Variants in GABBR2 observed in about 807,000 individuals in gnomAD.
GABBR2 encodes gamma-aminobutyric acid type B receptor subunit 2, also known as G-protein coupled receptor 51.
Under a neutral mutation model 105.6 loss-of-function variants are expected in GABBR2, and 23 were observed. The observed-to-expected ratio is 0.22, with a 90% CI of 0.16 to 0.31. The LOEUF (loss-of-function observed/expected upper bound fraction) is 0.31, where lower values mean the gene tolerates loss of function less well. Ranked by LOEUF, GABBR2 falls within the 10% of genes least tolerant of loss-of-function variation. The pLI is 1.00. For missense variants in GABBR2, 734 were observed against 1,245.5 expected, an observed-to-expected ratio of 0.59 and a Z score of 6.18; for synonymous variants, 478 against 499.7, an observed-to-expected ratio of 0.96 and a Z score of 0.58.
At chr9:98,428,069 C>T (rs1055029062) in intron 7 of GABBR2, among the ~76,000 whole-genome samples, 2 of 152,352 alleles carry the variant, frequency 1.3e-5, no homozygotes, top group African/African-American at 2.4e-5. Context: ...TAAGCCACTA[C>T]ACTTTGGGAT....
intron 2 of GABBR2, among the ~76,000 whole-genome samples, 199 bp from the exon 3 acceptor site, chr9:98,542,242 A>G (rs1405893793): frequency 2.0e-5 from 3 of 152,196 alleles, no homozygotes; most frequent in Non-Finnish European, 4.4e-5. Context: ...ATAAGGAGGA[A>G]GAAGGGAAAA....
chr9:98,584,119 C>T (rs992754807), intron 1 of GABBR2, among the ~76,000 whole-genome samples: 3 of 152,292 alleles, frequency 2.0e-5, no homozygotes, highest in African/African-American at 4.8e-5. Flanking sequence ...CTTTATCATG[C>T]TCTCCTTTCC....
At chr9:98,495,454 TCTGATGACACTGGCAC>T (rs1827258315) in intron 4 of GABBR2, among the ~76,000 whole-genome samples, 1 of 152,100 alleles carries the variant, frequency 6.6e-6, no homozygotes, top group Non-Finnish European at 1.5e-5. Context: ...ATTTGATAGC[TCTGATGACACTGGCAC>T]CTGCTTACAA....
chr9:98,464,885 A>G (rs1177952834), intron 6 of GABBR2, among the ~76,000 whole-genome samples: 1 of 152,072 alleles, frequency 6.6e-6, no homozygotes, highest in Non-Finnish European at 1.5e-5. Flanking sequence ...AGGGCGGTGC[A>G]AGATGTGCTT....
At chr9:98,301,114 C>T (rs1236730950) in intron 16 of GABBR2, among the ~76,000 whole-genome samples, 1 of 152,146 alleles carries the variant, frequency 6.6e-6, no homozygotes, top group African/African-American at 2.4e-5. Context: ...TCCCTGGGTT[C>T]CGTGAGCCCC....
At chr9:98,343,011 T>A (rs1459255390) in intron 13 of GABBR2, among the ~76,000 whole-genome samples, 1 of 152,204 alleles carries the variant, frequency 6.6e-6, no homozygotes, top group African/African-American at 2.4e-5. Flanking sequence ...AAACTCTATG[T>A]GTTTGCCTCT....
intron 1 of GABBR2, among the ~76,000 whole-genome samples, chr9:98,671,976 T>G (rs1035572697): frequency 6.6e-6 from 1 of 152,158 alleles, no homozygotes; most frequent in South Asian, 2.1e-4. Context: ...GAAGGAGGTA[T>G]CAAAGGTTTC....
At chr9:98,359,264 C>T (rs779123841) in intron 13 of GABBR2, among the ~76,000 whole-genome samples, 1 of 151,914 alleles carries the variant, frequency 6.6e-6, no homozygotes, top group East Asian at 1.9e-4. Flanking sequence ...CCTATCTCTA[C>T]TAAGAATACA....
chr9:98,660,688 T>C (rs1409041686), intron 1 of GABBR2, among the ~76,000 whole-genome samples: 1 of 152,218 alleles, frequency 6.6e-6, no homozygotes, highest in Admixed American at 6.5e-5. Context: ...GCGGGGCTGG[T>C]TCCTTCTGGA....
intron 3 of GABBR2, among the ~76,000 whole-genome samples, chr9:98,504,961 C>T (rs191819385): frequency 6.6e-6 from 1 of 152,186 alleles, no homozygotes; most frequent in Non-Finnish European, 1.5e-5. Flanking sequence ...TAGACCAAAG[C>T]CGACTTCAAA....
At chr9:98,300,528 G>A (rs1293348787) in intron 16 of GABBR2, among the ~76,000 whole-genome samples, 4 of 152,206 alleles carry the variant, frequency 2.6e-5, no homozygotes, top group Non-Finnish European at 4.4e-5. Flanking sequence ...AGTGTTGGTA[G>A]TTGTTGGGGG....
At chr9:98,314,815 A>G (rs947825509) in intron 13 of GABBR2, among the ~76,000 whole-genome samples, 3 of 152,122 alleles carry the variant, frequency 2.0e-5, no homozygotes, top group Non-Finnish European at 4.4e-5. Context: ...TTGTCAGTCA[A>G]CCTGCTGGAG....
At chr9:98,578,123 C>T (rs1370013264) in intron 1 of GABBR2, 51 bp from the exon 2 acceptor site, 1 of 1,601,524 alleles carries the variant, frequency 6.2e-7, no homozygotes, top group African/African-American at 1.3e-5. Context: ...CAGCTTTTCC[C>T]CAGGGGCATG....
chr9:98,447,063 C>CTTTTTTTTTTTTTTTTTTTT (rs369338702), intron 7 of GABBR2, among the ~76,000 whole-genome samples: 3 of 116,356 alleles, frequency 2.6e-5, no homozygotes, highest in African/African-American at 1.0e-4. Context: ...AAAAAGACTT[C>CTTTTTTTTTTTTTTTTTTTT]TTTTTTTTTT....
intron 7 of GABBR2, among the ~76,000 whole-genome samples, chr9:98,436,115 G>A (rs1361013063): frequency 6.7e-6 from 1 of 150,348 alleles, no homozygotes; most frequent in Non-Finnish European, 1.5e-5. Flanking sequence ...ATGAACAAAG[G>A]GAAACAGTCA....
chr9:98,646,627 C>G (rs948714899), intron 1 of GABBR2, among the ~76,000 whole-genome samples: 1 of 152,190 alleles, frequency 6.6e-6, no homozygotes, highest in African/African-American at 2.4e-5. Context: ...AGCCCTAAAG[C>G]TATCATCTGA....
At chr9:98,500,953 T>C (rs1207407137) in intron 3 of GABBR2, among the ~76,000 whole-genome samples, 4 of 152,206 alleles carry the variant, frequency 2.6e-5, no homozygotes, top group Admixed American at 6.5e-5. Context: ...GTAATTCTGA[T>C]ACATGTTTAG....
rs1826763544 is a variant in GABBR2 at position 98,475,151 on chromosome 9, T to C, written c.799-1805A>G. ...CCTTCGCTTCCCTCATTTTAGACAC[T>C]GTACTTCTCATAATGCAACCTCAGA... On this transcript the variant is annotated intron_variant, in intron 5 of 18. Coordinates refer to ENST00000259455, the MANE Select transcript of GABBR2 (RefSeq NM_005458.8). Among the ~76,000 whole-genome samples, 4 of 152,116 alleles carry C rather than the reference T, an allele frequency of 2.6e-5. No homozygotes were observed. In the South Asian group the frequency reaches 8.3e-4, roughly 32 times the overall value.
rs1045331893 is a variant in GABBR2 at position 98,585,765 on chromosome 9, C to T, written c.322-7693G>A. ...GGCTGAGTATCCCTAATTCAAAAAT[C>T]TGAAATCCAAAATGCTCCAAAATCC... On this transcript the variant is annotated intron_variant, in intron 1 of 18. Coordinates refer to ENST00000259455, the MANE Select transcript of GABBR2 (RefSeq NM_005458.8). 3.8e-4 allele frequency among the ~76,000 whole-genome samples: 9 copies of T among 23,604 alleles called. 3 individuals carry two copies. The highest frequency in any genetic ancestry group is 2.2e-3 in the Admixed American group (9 of 4,120). The allele number at this position is 23,604 out of a possible 152,430, so 15.5% of individuals were successfully genotyped here. A position where few individuals can be genotyped will look rare whatever the true frequency, so the allele number is the denominator to read the frequency against.
Sources: gnomAD v4.1 joint callset for allele counts (sites outside exome capture counted in the v4.1 genomes callset) on GRCh38, gnomAD v4.1.1 for gene constraint, MANE v1.5 for transcripts, NCBI Gene and HGNC (gene_info 2026-07-23, HGNC 2026-07-21) for gene names.